Variants in DCHS2 observed in about 807,000 individuals in gnomAD.
DCHS2 encodes the protein protocadherin-23.
A neutral mutation model predicts 182.4 loss-of-function variants in DCHS2; 142 were observed. That is an observed-to-expected ratio of 0.78 (90% CI 0.68 to 0.89). The LOEUF is 0.89. Ranked by LOEUF, DCHS2 falls within the 40% of genes least tolerant of loss-of-function variation. The pLI is 0.00. For missense variants in DCHS2, 4,319 were observed against 4,198.6 expected (o/e 1.03, Z -0.79); for synonymous variants, 1,740 against 1,663.3 (o/e 1.05, Z -1.12).
chr4:154,321,728 G>C (rs1736069449), intron 8 of DCHS2, among the ~76,000 whole-genome samples: 1 of 152,114 alleles, frequency 6.6e-6, no homozygotes, highest in African/African-American at 2.4e-5. Flanking sequence ...CAGAGTTCTT[G>C]TGGATATATA....
chr4:154,471,848 A>G (rs1735482507), intron 1 of DCHS2, among the ~76,000 whole-genome samples: 1 of 152,062 alleles, frequency 6.6e-6, no homozygotes. Context: ...AGAAGCAGAG[A>G]ACAGCAATGC....
In DCHS2 at chr4:154,374,876, A is replaced by T. The variant is rs188152776; in HGVS notation, c.2244+2377T>A. Reference sequence around the variant, plus strand: ...CTCCAAAATGAAATAAGTGAAAAAAAATCAAAGCGCAGAACGGTGTGTATA... The same window carrying T: ...CTCCAAAATGAAATAAGTGAAAAAATATCAAAGCGCAGAACGGTGTGTATA... On this transcript the variant is annotated intron_variant, in intron 2 of 19. Coordinates refer to ENST00000357232, the MANE Select transcript of DCHS2 (RefSeq NM_001358235.2). Among the ~76,000 whole-genome samples the T allele has an allele frequency of 3.9e-5, 6 of 152,276 alleles. No individual in the cohort carries two copies. In the East Asian group the frequency reaches 1.2e-3, roughly 29 times the overall value.
chr4:154,258,887 T>C (rs1732833051), intron 15 of DCHS2, among the ~76,000 whole-genome samples: 2 of 152,192 alleles, frequency 1.3e-5, no homozygotes, highest in Non-Finnish European at 2.9e-5. Flanking sequence ...AAGTTGGATT[T>C]ATACTGATTT....
chr4:154,464,374 T>C (rs1244904382), intron 1 of DCHS2, among the ~76,000 whole-genome samples: 1 of 152,156 alleles, frequency 6.6e-6, no homozygotes, highest in East Asian at 1.9e-4. Flanking sequence ...TGAGGAAAAT[T>C]CACAGCAAGA....
At chr4:154,331,537 A>T in intron 5 of DCHS2, 2 of 1,556,624 alleles carry the variant, frequency 1.3e-6, no homozygotes, top group Non-Finnish European at 1.7e-6. Flanking sequence ...CCTTCTTGGC[A>T]AGCCATGTGC....
At chr4:154,274,270 A>ATGG (rs1471109846) in intron 13 of DCHS2, among the ~76,000 whole-genome samples, 1 of 152,186 alleles carries the variant, frequency 6.6e-6, no homozygotes, top group East Asian at 1.9e-4. Context: ...AATTTAATTT[A>ATGG]TGGGGAAAAA....
At chr4:154,436,484 A>ATTTT (rs1487564384) in intron 1 of DCHS2, among the ~76,000 whole-genome samples, 1 of 152,188 alleles carries the variant, frequency 6.6e-6, no homozygotes, top group Non-Finnish European at 1.5e-5. Context: ...TCATGTTAAA[A>ATTTT]AATACCTCGT....
chr4:154,370,654 G>A (rs1418761184), intron 2 of DCHS2, among the ~76,000 whole-genome samples: 2 of 152,172 alleles, frequency 1.3e-5, no homozygotes, highest in Non-Finnish European at 2.9e-5. Context: ...TCTCTAAAAA[G>A]ATAATAGAAA....
chr4:154,374,073 T>A, intron 2 of DCHS2: 1 of 867,918 alleles, frequency 1.2e-6, no homozygotes, highest in Non-Finnish European at 1.7e-6. Flanking sequence ...AAAAGACACC[T>A]GGATTAAAGT....
At chr4:154,375,787 T>C (rs765336269) in intron 2 of DCHS2, among the ~76,000 whole-genome samples, 4 of 152,164 alleles carry the variant, frequency 2.6e-5, no homozygotes, top group Non-Finnish European at 4.4e-5. Context: ...TTGTTCACCA[T>C]ATTGCAAGTA....
intron 1 of DCHS2, among the ~76,000 whole-genome samples, chr4:154,436,642 T>C (rs1269173288): frequency 6.6e-6 from 1 of 152,230 alleles, no homozygotes; most frequent in Non-Finnish European, 1.5e-5. Context: ...AACATGTATT[T>C]GGCTCGTATA....
At chr4:154,258,855 C>A (rs1054413686) in intron 15 of DCHS2, among the ~76,000 whole-genome samples, 8 of 152,142 alleles carry the variant, frequency 5.3e-5, no homozygotes, top group African/African-American at 1.9e-4. Flanking sequence ...GAATGACCCT[C>A]CCTGTGGCTA....
At chr4:154,240,262 C>T (rs893421105) in intron 18 of DCHS2, among the ~76,000 whole-genome samples, 11 of 149,486 alleles carry the variant, frequency 7.4e-5, no homozygotes, top group Admixed American at 4.0e-4. Flanking sequence ...AAATATTTGG[C>T]AGGTTCCAAT....
At chr4:154,259,784 A>C in intron 14 of DCHS2, 28 bp from the exon 15 acceptor site, 7 of 1,576,230 alleles carry the variant, frequency 4.4e-6, no homozygotes, top group Non-Finnish European at 6.0e-6. Context: ...GAGAAAAAAA[A>C]GAAAATGATG....
intron 1 of DCHS2, among the ~76,000 whole-genome samples, chr4:154,379,504 T>C (rs1443006444): frequency 6.6e-6 from 1 of 152,158 alleles, no homozygotes; most frequent in Non-Finnish European, 1.5e-5. Context: ...GTAGTGAAAC[T>C]TAAGCACGAG....
chr4:154,394,984 G>A (rs1731869467), intron 1 of DCHS2, among the ~76,000 whole-genome samples: 1 of 152,076 alleles, frequency 6.6e-6, no homozygotes, highest in African/African-American at 2.4e-5. Flanking sequence ...CCCATTTGGA[G>A]AAAGGTGAAA....
At chr4:154,330,253 A>G (rs1473331510) in intron 5 of DCHS2, among the ~76,000 whole-genome samples, 2 of 152,232 alleles carry the variant, frequency 1.3e-5, no homozygotes, top group African/African-American at 4.8e-5. Context: ...ATGGCTAAAT[A>G]CCTTTCTGGA....
At chr4:154,283,035 A>G (rs2111239586) in intron 13 of DCHS2, among the ~76,000 whole-genome samples, 1 of 152,290 alleles carries the variant, frequency 6.6e-6, no homozygotes, top group East Asian at 1.9e-4. Context: ...GGGCAGAAGA[A>G]AATAGCTTGG....
chr4:154,446,066 A>G (rs1183958990), intron 1 of DCHS2, among the ~76,000 whole-genome samples: 1 of 152,258 alleles, frequency 6.6e-6, no homozygotes, highest in Non-Finnish European at 1.5e-5. Flanking sequence ...CCTGTCAGAA[A>G]GAACTCTTCA....
Sources: allele counts gnomAD v4.1 joint callset (sites outside exome capture counted in the v4.1 genomes callset), GRCh38; gene constraint gnomAD v4.1.1; transcripts MANE v1.5; gene names NCBI Gene and HGNC (gene_info 2026-07-23, HGNC 2026-07-21).